Variants in REXO5 observed in about 807,000 individuals in gnomAD.
REXO5 encodes the protein exonuclease NEF-sp.
A neutral mutation model predicts 88.5 loss-of-function variants in REXO5; 48 were observed. The observed-to-expected ratio is 0.54, with a 90% CI of 0.43 to 0.69. REXO5 has a LOEUF of 0.69. Ranked by LOEUF, REXO5 falls within the 30% of genes least tolerant of loss-of-function variation. REXO5 has a pLI of 0.00. For synonymous variants in REXO5, 311 were observed against 336.5 expected (o/e 0.92, Z 0.83); for missense variants, 749 against 912.2 (o/e 0.82, Z 2.30).
chr16:20,840,268 C>A, intron 14 of REXO5, 63 bp from the exon 15 acceptor site: 2 of 1,366,772 alleles, frequency 1.5e-6, no homozygotes, highest in Non-Finnish European at 2.0e-6. Context: ...CATGCATTGA[C>A]TCATGATTTC....
intron 5 of REXO5, 137 bp from the exon 6 acceptor site, chr16:20,821,625 A>G: frequency 1.5e-6 from 1 of 678,540 alleles, no homozygotes; most frequent in Non-Finnish European, 2.3e-6. Context: ...AATAGATTGC[A>G]AGCCCCTAAA....
At chr16:20,824,738 C>T (rs554462984) in intron 7 of REXO5, among the ~76,000 whole-genome samples, 1 of 152,028 alleles carries the variant, frequency 6.6e-6, no homozygotes, top group African/African-American at 2.4e-5. Context: ...GGCTGGGTGC[C>T]GTGGCTCACA....
At chr16:20,829,145 T>G (rs1390922770) in intron 11 of REXO5, among the ~76,000 whole-genome samples, 2 of 152,184 alleles carry the variant, frequency 1.3e-5, no homozygotes, top group Non-Finnish European at 2.9e-5. Flanking sequence ...TCTAGGGCAA[T>G]TTCTCTGAAC....
intron 4 of REXO5, 126 bp from the exon 5 acceptor site, chr16:20,815,990 T>C (rs2038465822): frequency 2.8e-6 from 2 of 723,598 alleles, no homozygotes; most frequent in Non-Finnish European, 2.3e-6. Flanking sequence ...ACAGTTCTTA[T>C]TTTAAAATGC....
rs75710864 is a variant in REXO5, at chr16:20,831,934, T to C, written c.1159-222T>C. Reference sequence around the variant, plus strand: ...ATATTCATGTAACAATGTTAGTAGCTGATAACAGATTGCCGGTCTTGGCTA... The same window carrying C: ...ATATTCATGTAACAATGTTAGTAGCCGATAACAGATTGCCGGTCTTGGCTA... On this transcript the variant is annotated intron_variant, in intron 11 of 19. Coordinates refer to ENST00000261377, the MANE Select transcript of REXO5 (RefSeq NM_030941.3). Among the ~76,000 whole-genome samples the C allele has an allele frequency of 2.8e-3, 426 of 152,320 alleles. 20 individuals are homozygous for C. The East Asian group carries it at 0.074, about 27-fold the overall frequency.
At chr16:20,813,344 CTTT>C (rs56875427) in intron 3 of REXO5, 42 bp downstream of exon 3, 21,907 of 605,870 alleles carry the variant, frequency 0.036, no homozygotes, top group East Asian at 0.04. Flanking sequence ...CCAGCGGTTT[CTTT>C]TTTTTTTTTT....
chr16:20,817,407 G>A (rs537898446), intron 5 of REXO5, among the ~76,000 whole-genome samples: 1 of 152,280 alleles, frequency 6.6e-6, no homozygotes, highest in East Asian at 1.9e-4. Flanking sequence ...GATGTAATCA[G>A]GAAAAAGAAA....
chr16:20,807,486 G>C (rs1039457557), intron 2 of REXO5: 2 of 196,950 alleles, frequency 1.0e-5, no homozygotes, highest in East Asian at 2.7e-4. Context: ...GGGAGGCTGA[G>C]GCAGGAGAAT....
chr16:20,819,482 G>A (rs1329831428), intron 5 of REXO5, among the ~76,000 whole-genome samples: 3 of 130,580 alleles, frequency 2.3e-5, no homozygotes, highest in South Asian at 2.3e-4. Context: ...TAGGCTGGGC[G>A]CAGTGGCTCA....
At chr16:20,847,261 CA>C (rs56355038) in intron 19 of REXO5, among the ~76,000 whole-genome samples, 136,122 of 138,326 alleles carry the variant, frequency 0.98, 66,966 homozygotes, top group East Asian at 0.99. Flanking sequence ...AACACACACA[CA>C]AAAAAAAAAA....
At chr16:20,837,955 G>A (rs1370961791) in intron 13 of REXO5, among the ~76,000 whole-genome samples, 1 of 151,962 alleles carries the variant, frequency 6.6e-6, no homozygotes, top group African/African-American at 2.4e-5. Context: ...TTATACAGAT[G>A]AGGTCTCATT....
At chr16:20,807,219 G>C in intron 2 of REXO5, 128 bp downstream of exon 2, 3 of 1,074,568 alleles carry the variant, frequency 2.8e-6, no homozygotes, top group Non-Finnish European at 4.0e-6. Context: ...CCTGATCCCT[G>C]ATCATTAAAA....
rs916743658 is a variant in REXO5, at chr16:20,830,250, G to A, written c.1158+1713G>A. Among the ~76,000 whole-genome samples the A allele has an allele frequency of 5.3e-5, 8 of 151,856 alleles. 1 individual carries two copies. Among genetic ancestry groups the A allele is most frequent in the Non-Finnish European group, 7.4e-5 (5 of 67,958 alleles). On this transcript the variant is annotated intron_variant, in intron 11 of 19. Transcript: ENST00000261377. Reference sequence around the variant, plus strand: ...TTCCCAGGCTGGAGTGCAGTGGTGCGATCTCTCTTCACTGCAGCCTCTGCC... The same window carrying A: ...TTCCCAGGCTGGAGTGCAGTGGTGCAATCTCTCTTCACTGCAGCCTCTGCC...
At chr16:20,819,449 T>C (rs1468288232) in intron 5 of REXO5, among the ~76,000 whole-genome samples, 1 of 44,054 alleles carries the variant, frequency 2.3e-5, no homozygotes, top group Non-Finnish European at 1.1e-4. Context: ...CTTTCCTCCT[T>C]TTTTTTTTTT....
chr16:20,838,367 CTT>C (rs1223842354), intron 13 of REXO5, among the ~76,000 whole-genome samples: 1 of 152,126 alleles, frequency 6.6e-6, no homozygotes, highest in African/African-American at 2.4e-5. Flanking sequence ...GATCTTATAA[CTT>C]TTTTATTTTG....
At position 20,846,310 on chromosome 16, in the gene REXO5, C is replaced by T. The variant is rs779803386; in HGVS notation, c.2214C>T (p.Leu738=). 38 of 1,613,882 alleles carry T rather than the reference C, an allele frequency of 2.4e-5. No individual in the cohort carries two copies. The highest frequency in any genetic ancestry group is 3.3e-4 in the Middle Eastern group (2 of 6,078). Residue 738 remains leucine (L), a synonymous_variant, in exon 19 of 20, where the codon CTC becomes CTT. Coordinates refer to ENST00000261377, the MANE Select transcript of REXO5 (RefSeq NM_030941.3). The stretch of plus-strand genomic sequence containing the variant: ...ACAACAGCTTGTGCCCGGGCACTCT[C>T]TGCCTCATCCTGCTGCCAGGAACCA... ...KLYNSLCPGT[L]CLILLPGTKS...
chr16:20,823,356 T>C (rs1157135334), intron 6 of REXO5: 1 of 152,210 alleles, frequency 6.6e-6, no homozygotes, highest in Non-Finnish European at 1.5e-5. Flanking sequence ...TTTTTGTACA[T>C]TAACTGGCAG....
Position 20,839,751 on chromosome 16 carries a change from A to G in REXO5, c.1384-4A>G, listed in dbSNP as rs777333334. On this transcript the variant is annotated splice_region_variant and splice_polypyrimidine_tract_variant and intron_variant, in intron 13 of 19. Coordinates refer to ENST00000261377, the MANE Select transcript of REXO5 (RefSeq NM_030941.3). ...CCTTATCCAGGCTGTGCTGTTCTCTACAGGTTCTTGAGCAGGCCAGAGTGG... is the reference window on the plus strand; with the variant it reads ...CCTTATCCAGGCTGTGCTGTTCTCTGCAGGTTCTTGAGCAGGCCAGAGTGG... 68 of 1,609,940 alleles carry G rather than the reference A, an allele frequency of 4.2e-5. No individual in the cohort carries two copies. In the South Asian group the frequency reaches 6.9e-4, roughly 16 times the overall value.
intron 10 of REXO5, 137 bp from the exon 11 acceptor site, chr16:20,828,298 A>G: frequency 1.7e-6 from 1 of 602,740 alleles, no homozygotes; most frequent in Non-Finnish European, 2.9e-6. Context: ...GCTGGAATAA[A>G]GGAACCTTGA....
Sources: allele counts gnomAD v4.1 joint callset (sites outside exome capture counted in the v4.1 genomes callset), GRCh38; gene constraint gnomAD v4.1.1; transcripts MANE v1.5; gene names NCBI Gene and HGNC (gene_info 2026-07-23, HGNC 2026-07-21).